The following CNOT1 variants were observed in gnomAD, a reference collection of about 807,000 sequenced individuals.
CNOT1 encodes CCR4-NOT transcription complex subunit 1.
A neutral mutation model predicts 273.8 loss-of-function variants in CNOT1; 15 were observed. That is an observed-to-expected ratio of 0.05 (90% CI 0.04 to 0.08). CNOT1 has a LOEUF of 0.08. Ranked by LOEUF, CNOT1 falls within the 10% of genes least tolerant of loss-of-function variation. The pLI, the probability that CNOT1 is intolerant of heterozygous loss-of-function variation, is 1.00. For missense variants in CNOT1, 1,644 were observed against 2,912.2 expected, an observed-to-expected ratio of 0.56 and a Z score of 10.02; for synonymous variants, 1,022 against 1,005.5, an observed-to-expected ratio of 1.02 and a Z score of -0.31.
intron 3 of CNOT1, 152 bp downstream of exon 3, chr16:58,588,647 G>GA (rs1407812041): frequency 1.5e-4 from 164 of 1,067,664 alleles, no homozygotes; most frequent in Middle Eastern, 2.2e-4. Flanking sequence ...GGGACGCACA[G>GA]AAAAAAAAGG....
chr16:58,523,500 G>A lies in CNOT1; in HGVS notation c.6787C>T (p.Arg2263Cys). 1 of 1,613,648 alleles carries A rather than the reference G, an allele frequency of 6.2e-7. No individual in the cohort carries two copies. Among genetic ancestry groups the A allele is most frequent in the Non-Finnish European group, 8.5e-7 (1 of 1,179,806 alleles). ...NLAVDLDTEG[R>C]YLFLNAIANQ... ...GCAATTGCATTCAAAAAGAGATAGC[G>A]ACCTAGAAATTAAGAAACCTTGACT... The change falls in exon 47 of 49, where the codon CGC (arginine) becomes TGC (cysteine). Residue 2263 changes from arginine (R) to cysteine (C), a missense_variant and splice_region_variant. Arg to Cys is a radical substitution (Grantham distance 180). This residue lies in a region of CNOT1 where 140 missense variants were observed against 324.6 expected (regional missense o/e 0.43). Coordinates refer to ENST00000317147, the MANE Select transcript of CNOT1 (RefSeq NM_016284.5).
chr16:58,579,523 TA>T (rs1227688604), intron 12 of CNOT1, among the ~76,000 whole-genome samples: 2 of 152,104 alleles, frequency 1.3e-5, no homozygotes. Context: ...CACTACTATA[TA>T]CACTAGACTC....
At chr16:58,584,117 A>C (rs1015476040) in intron 8 of CNOT1, among the ~76,000 whole-genome samples, 2 of 150,248 alleles carry the variant, frequency 1.3e-5, no homozygotes, top group African/African-American at 2.4e-5. Flanking sequence ...GCAGTGAGCT[A>C]AGATTGTGCC....
intron 1 of CNOT1, among the ~76,000 whole-genome samples, chr16:58,610,928 T>C (rs1337381416): frequency 6.6e-6 from 1 of 151,896 alleles, no homozygotes; most frequent in Admixed American, 6.6e-5. Flanking sequence ...CCCCAGCTAC[T>C]TGGGAGGCTG....
At chr16:58,527,833 T>C (rs2039647483) in intron 44 of CNOT1, 1 of 205,112 alleles carries the variant, frequency 4.9e-6, no homozygotes, top group South Asian at 7.1e-5. Context: ...ATGGAGACTA[T>C]GGCAGGGCGT....
rs756361193 is a variant in CNOT1, at chr16:58,547,880, TGAA to T, written c.3523-201_3523-199del. Among the ~76,000 whole-genome samples, 46 of 152,216 alleles carry T rather than the reference TGAA, an allele frequency of 3.0e-4. No homozygotes were observed. Among genetic ancestry groups the T allele is most frequent in the Non-Finnish European group, 6.3e-4 (43 of 68,030 alleles). On this transcript the variant is annotated intron_variant, in intron 25 of 48. Coordinates refer to ENST00000317147, the MANE Select transcript of CNOT1 (RefSeq NM_016284.5). This position sits in a 1 kb window ranked among gnomAD's most constrained non-coding sequence, Gnocchi z 4.0. ...TGATTCAACAGTGCTATTTTTACCTTGAAGAAGTCTTTACATTTTATTTTTTCA... is the reference window on the plus strand; with the variant it reads ...TGATTCAACAGTGCTATTTTTACCTTGAAGTCTTTACATTTTATTTTTTCA...
intron 1 of CNOT1, among the ~76,000 whole-genome samples, chr16:58,610,061 T>C (rs1035951523): frequency 6.6e-6 from 1 of 152,150 alleles, no homozygotes. Flanking sequence ...GACTTTACTA[T>C]AACACTATGC....
chr16:58,564,850 C>A (rs186552754), intron 16 of CNOT1, among the ~76,000 whole-genome samples: 1 of 152,068 alleles, frequency 6.6e-6, no homozygotes, highest in Admixed American at 6.6e-5. Context: ...GCAGGAGAAT[C>A]GCTTGAACCT....
chr16:58,560,932 G>A (rs905378563), intron 16 of CNOT1, among the ~76,000 whole-genome samples: 8 of 152,184 alleles, frequency 5.3e-5, no homozygotes, highest in Non-Finnish European at 1.0e-4. Context: ...GGCTGAGGCA[G>A]GAGAATCACT....
At chr16:58,625,311 G>C (rs893066141) in intron 1 of CNOT1, among the ~76,000 whole-genome samples, 1 of 151,390 alleles carries the variant, frequency 6.6e-6, no homozygotes, top group African/African-American at 2.4e-5. Context: ...TCAGGAGTTC[G>C]AGACCAGCCT....
intron 45 of CNOT1, among the ~76,000 whole-genome samples, chr16:58,525,621 C>A (rs1043365751): frequency 6.6e-6 from 1 of 152,204 alleles, no homozygotes; most frequent in African/African-American, 2.4e-5. Flanking sequence ...AAAATATGCA[C>A]TGTGCCAATT....
At chr16:58,619,694 G>T (rs1185801081) in intron 1 of CNOT1, among the ~76,000 whole-genome samples, 2 of 152,118 alleles carry the variant, frequency 1.3e-5, no homozygotes, top group Non-Finnish European at 2.9e-5. Flanking sequence ...AAAGTGCTGG[G>T]ATTACAGGCG....
rs760397522 is a variant in CNOT1, at chr16:58,581,355, G to C, written c.1205C>G (p.Ala402Gly). ...ATACCACTTACTCACCTGGCCTTCAGCATGTTTCCAAGGTCTATATATGAG... is the reference window on the plus strand; with the variant it reads ...ATACCACTTACTCACCTGGCCTTCACCATGTTTCCAAGGTCTATATATGAG... ...VDLIYRPWKH[A>G]EGQLSFIQHS... Residue 402 changes from alanine to glycine, a missense_variant, in exon 11 of 49, where the codon GCT (alanine) becomes GGT (glycine). This residue lies in a region of CNOT1 where 706 missense variants were observed against 1,021.2 expected (regional missense o/e 0.69). Transcript: ENST00000317147. 6.2e-7 allele frequency: 1 copy of C among 1,605,862 alleles called. No homozygotes were observed. The highest frequency in any genetic ancestry group is 8.5e-7 in the Non-Finnish European group (1 of 1,177,646).
chr16:58,595,316 CACT>C (rs2042215062), intron 2 of CNOT1, among the ~76,000 whole-genome samples: 1 of 150,652 alleles, frequency 6.6e-6, no homozygotes, highest in Admixed American at 6.6e-5. Context: ...TTCCCCGCAC[CACT>C]ATTACTGTCA....
chr16:58,543,899 G>T lies in CNOT1; in HGVS notation c.4142C>A (p.Pro1381His). The T allele has an allele frequency of 6.3e-7, 1 of 1,599,956 alleles. No homozygotes were observed. Among genetic ancestry groups the T allele is most frequent in the Admixed American group, 1.7e-5 (1 of 58,788 alleles). ...APHITLNPTI[P>H]LFQAHPQLKQ... ...CAACTGTGGATGGGCCTGAAACAAG[G>T]GAATCTGGGGGGTTGGGGAGGACAA... The change falls in exon 31 of 49, where the codon CCC becomes CAC. Residue 1381 changes from proline to histidine, a missense_variant. Physicochemically the swap from Pro to His is moderately conservative, Grantham distance 77. Coordinates refer to ENST00000317147, the MANE Select transcript of CNOT1 (RefSeq NM_016284.5).
chr16:58,575,414 T>G (rs2041423036), intron 14 of CNOT1, among the ~76,000 whole-genome samples: 4 of 152,178 alleles, frequency 2.6e-5, no homozygotes, highest in African/African-American at 9.7e-5. Flanking sequence ...ACTCAAAGCA[T>G]GAATAATTAT....
Position 58,547,019 on chromosome 16 carries a change from TTTC to T in CNOT1, c.3750+164_3750+166del, listed in dbSNP as rs1312032633. Among the ~76,000 whole-genome samples the T allele has an allele frequency of 6.6e-6, 1 of 152,186 alleles. No homozygotes were observed. The highest frequency in any genetic ancestry group is 1.5e-5 in the Non-Finnish European group (1 of 68,032). Reference sequence around the variant, plus strand: ...AAAACCAAAGCCAACCATTATAATCTTTCTTATTTCACCCAGCCTCTCAAATTG... The same window carrying T: ...AAAACCAAAGCCAACCATTATAATCTTTATTTCACCCAGCCTCTCAAATTG... On this transcript the variant is annotated intron_variant, in intron 27 of 48. Coordinates refer to ENST00000317147, the MANE Select transcript of CNOT1 (RefSeq NM_016284.5). This position sits in a 1 kb window ranked among gnomAD's most constrained non-coding sequence, Gnocchi z 4.0.
chr16:58,621,368 G>A (rs2043307457), intron 1 of CNOT1, among the ~76,000 whole-genome samples: 1 of 151,996 alleles, frequency 6.6e-6, no homozygotes, highest in African/African-American at 2.4e-5. Flanking sequence ...CCACCTCCCA[G>A]GGTCCAGCGA....
In CNOT1 at chr16:58,560,355, A is replaced by C; in HGVS notation, c.1987T>G (p.Ser663Ala). Reference sequence around the variant, plus strand: ...AGGATAGTTTCTGATAGCTCCTGAGAAACACTCCTAAAATAGAGGGGAAAA... The same window carrying C: ...AGGATAGTTTCTGATAGCTCCTGAGCAACACTCCTAAAATAGAGGGGAAAA... Reference protein sequence around the residue: ...ACLQACAGSVSQELSETILTM... With the variant: ...ACLQACAGSVAQELSETILTM... Residue 663 changes from serine to alanine, a missense_variant, in exon 17 of 49, where the codon TCT becomes GCT. By Grantham distance (99) the Ser-to-Ala change is moderately conservative (BLOSUM62 1). This residue lies in a region of CNOT1 where 706 missense variants were observed against 1,021.2 expected (regional missense o/e 0.69). Coordinates refer to ENST00000317147, the MANE Select transcript of CNOT1 (RefSeq NM_016284.5). 6.2e-7 allele frequency: 1 copy of C among 1,614,060 alleles called. No individual in the cohort carries two copies. The highest frequency in any genetic ancestry group is 8.5e-7 in the Non-Finnish European group (1 of 1,179,972).
Sources: allele counts gnomAD v4.1 joint callset (sites outside exome capture counted in the v4.1 genomes callset), GRCh38; gene constraint gnomAD v4.1.1; regional missense constraint gnomAD v4.1.1; non-coding constraint Gnocchi (gnomAD v3.1); transcripts MANE v1.5; gene names NCBI Gene and HGNC (gene_info 2026-07-23, HGNC 2026-07-21).